The following ANAPC10 variants were observed in gnomAD, a reference collection of about 807,000 sequenced individuals.
The protein encoded by ANAPC10 is anaphase promoting complex subunit 10, also known as anaphase-promoting complex subunit 10.
Under a neutral mutation model 22.0 loss-of-function variants are expected in ANAPC10, and 12 were observed. The ratio of observed to expected loss-of-function variants is 0.55; its 90% CI spans 0.35 to 0.88. The LOEUF (loss-of-function observed/expected upper bound fraction) is 0.88. ANAPC10 is among the 40% of genes least tolerant of loss of function. The pLI, the probability that ANAPC10 is intolerant of heterozygous loss-of-function variation, is 0.01. For missense variants in ANAPC10, 188 were observed against 220.9 expected, an observed-to-expected ratio of 0.85 and a Z score of 0.94; for synonymous variants, 65 against 69.5, an observed-to-expected ratio of 0.94 and a Z score of 0.32.
chr4:145,052,944 C>T (rs1741355585), intron 4 of ANAPC10, among the ~76,000 whole-genome samples: 1 of 151,292 alleles, frequency 6.6e-6, no homozygotes, highest in African/African-American at 2.4e-5. Flanking sequence ...TCTTTAGCAG[C>T]ATATATACAG....
intron 3 of ANAPC10, among the ~76,000 whole-genome samples, chr4:145,067,015 G>A (rs887040310): frequency 3.3e-5 from 5 of 150,556 alleles, no homozygotes; most frequent in South Asian, 4.2e-4. Flanking sequence ...TAAGGTTCAC[G>A]TACCCACAGA....
chr4:145,040,588 T>A (rs1739367755), intron 4 of ANAPC10, among the ~76,000 whole-genome samples: 1 of 152,200 alleles, frequency 6.6e-6, no homozygotes, highest in Non-Finnish European at 1.5e-5. Flanking sequence ...ATCTCCAATT[T>A]ATAGTTAATT....
chr4:145,023,067 A>G (rs1443679523), intron 4 of ANAPC10, among the ~76,000 whole-genome samples: 2 of 152,144 alleles, frequency 1.3e-5, no homozygotes, highest in Non-Finnish European at 2.9e-5. Flanking sequence ...GATAAATTGG[A>G]GTACATTTAC....
At chr4:145,085,582 A>C (rs1746769384) in intron 2 of ANAPC10, among the ~76,000 whole-genome samples, 2 of 152,166 alleles carry the variant, frequency 1.3e-5, no homozygotes, top group African/African-American at 4.8e-5. Flanking sequence ...AATCTGAATA[A>C]TTTATTCAGA....
At chr4:145,018,737 G>A (rs1411096385) in intron 4 of ANAPC10, among the ~76,000 whole-genome samples, 3 of 151,806 alleles carry the variant, frequency 2.0e-5, no homozygotes, top group Non-Finnish European at 4.4e-5. Context: ...TAAACTTAAA[G>A]TAAAGGAGTG....
intron 4 of ANAPC10, among the ~76,000 whole-genome samples, chr4:145,041,023 A>T (rs1032242307): frequency 6.6e-6 from 1 of 151,950 alleles, no homozygotes; most frequent in Non-Finnish European, 1.5e-5. Flanking sequence ...CAGTTATATT[A>T]AAAAAAACAA....
intron 4 of ANAPC10, among the ~76,000 whole-genome samples, chr4:145,031,303 T>C (rs544695139): frequency 2.2e-4 from 33 of 152,322 alleles, no homozygotes; most frequent in Admixed American, 1.6e-3. Flanking sequence ...ACTGGACTTA[T>C]TGGTGAGACA....
intron 4 of ANAPC10, among the ~76,000 whole-genome samples, chr4:145,048,079 C>T (rs890370222): frequency 7.2e-5 from 11 of 152,136 alleles, no homozygotes; most frequent in African/African-American, 2.7e-4. Context: ...AAGTAGGCTG[C>T]TAGAGTCGAA....
At chr4:145,025,903 G>A (rs909754602) in intron 4 of ANAPC10, among the ~76,000 whole-genome samples, 1 of 152,180 alleles carries the variant, frequency 6.6e-6, no homozygotes, top group Non-Finnish European at 1.5e-5. Context: ...TGAGCAGGCA[G>A]TTGATGGTTT....
chr4:145,003,832 T>G (rs1188723062), intron 4 of ANAPC10, among the ~76,000 whole-genome samples: 5 of 152,204 alleles, frequency 3.3e-5, no homozygotes, highest in African/African-American at 1.2e-4. Flanking sequence ...AGCTCTTTTT[T>G]GGTTCCGTAT....
chr4:145,081,841 A>G (rs1746068555), intron 2 of ANAPC10, 91 bp from the exon 3 acceptor site: 9 of 914,954 alleles, frequency 9.8e-6, no homozygotes, highest in Non-Finnish European at 1.6e-5. Context: ...TTGTCCAGAA[A>G]TTTTGATAAA....
intron 4 of ANAPC10, among the ~76,000 whole-genome samples, chr4:145,028,153 T>G (rs1298320194): frequency 2.0e-5 from 3 of 152,172 alleles, no homozygotes; most frequent in Non-Finnish European, 4.4e-5. Context: ...TAATCCTGGG[T>G]GTGCCTGTGT....
intron 4 of ANAPC10, among the ~76,000 whole-genome samples, chr4:145,046,436 C>A (rs183319617): frequency 7.6e-4 from 116 of 152,050 alleles, no homozygotes; most frequent in African/African-American, 2.7e-3. Context: ...TCCATAAGCA[C>A]AAACAATTTC....
At chr4:145,038,243 T>C (rs1738912223) in intron 4 of ANAPC10, among the ~76,000 whole-genome samples, 2 of 152,176 alleles carry the variant, frequency 1.3e-5, no homozygotes, top group African/African-American at 2.4e-5. Flanking sequence ...CCGGGCATGG[T>C]GGTTCATGTC....
At chr4:145,077,388 G>T (rs535084969) in intron 3 of ANAPC10, among the ~76,000 whole-genome samples, 1 of 152,006 alleles carries the variant, frequency 6.6e-6, no homozygotes, top group Non-Finnish European at 1.5e-5. Flanking sequence ...AAATTTCCCC[G>T]ATCTCGCTAA....
At chr4:145,002,279 T>C (rs1420813711) in intron 4 of ANAPC10, among the ~76,000 whole-genome samples, 1 of 152,054 alleles carries the variant, frequency 6.6e-6, no homozygotes, top group East Asian at 1.9e-4. Flanking sequence ...GTTCCAAATG[T>C]GTTAAAAGGA....
chr4:145,076,972 G>A (rs1365973400), intron 3 of ANAPC10, among the ~76,000 whole-genome samples: 2 of 152,162 alleles, frequency 1.3e-5, no homozygotes, highest in Non-Finnish European at 2.9e-5. Context: ...GGCCAACGCG[G>A]GTGGATCACG....
intron 4 of ANAPC10, among the ~76,000 whole-genome samples, chr4:145,022,549 G>C (rs1736103906): frequency 6.6e-6 from 1 of 151,934 alleles, no homozygotes; most frequent in African/African-American, 2.4e-5. Context: ...ACTACAAACA[G>C]GGTGGTGCAA....
chr4:144,997,458 C>T (rs1731795762), intron 4 of ANAPC10, among the ~76,000 whole-genome samples: 1 of 152,180 alleles, frequency 6.6e-6, no homozygotes, highest in African/African-American at 2.4e-5. Flanking sequence ...AAAGAATTTT[C>T]AAGCCAGAAC....
Sources: gnomAD v4.1 joint callset for allele counts (sites outside exome capture counted in the v4.1 genomes callset) on GRCh38, gnomAD v4.1.1 for gene constraint, MANE v1.5 for transcripts, NCBI Gene and HGNC (gene_info 2026-07-23, HGNC 2026-07-21) for gene names.